PRKD1: variants seen among roughly 807,000 people sequenced by gnomAD.
PRKD1 encodes protein kinase D1.
In PRKD1, 63 loss-of-function variants were observed where a neutral mutation model predicts 95.9. The ratio of observed to expected loss-of-function variants is 0.66; its 90% CI spans 0.54 to 0.81. The LOEUF (loss-of-function observed/expected upper bound fraction) is 0.81. PRKD1 is among the 30% of genes least tolerant of loss of function. The pLI, the probability that PRKD1 is intolerant of heterozygous loss-of-function variation, is 0.00. For synonymous variants in PRKD1, 425 were observed against 423.1 expected (o/e 1.00, Z -0.05); for missense variants, 1,048 against 1,165.3 (o/e 0.90, Z 1.47).
chr14:29,841,141 A>G (rs1323156767), intron 1 of PRKD1, among the ~76,000 whole-genome samples: 1 of 152,218 alleles, frequency 6.6e-6, no homozygotes, highest in African/African-American at 2.4e-5. Context: ...CCCACATTGT[A>G]TCAACGAAGT....
chr14:29,799,412 A>T (rs894494071), intron 1 of PRKD1, among the ~76,000 whole-genome samples: 2 of 152,224 alleles, frequency 1.3e-5, no homozygotes, highest in African/African-American at 2.4e-5. Flanking sequence ...CCAGTGGTTC[A>T]AAACAGACAC....
rs183915208 is a variant in PRKD1, at chr14:29,778,367, C to A, written c.265-52693G>T. ...CCAGGAGCTGGTTTTTTGAAAAGAT[C>A]AAAAAAAATTGATAGACCACTAGCA... On this transcript the variant is annotated intron_variant, in intron 1 of 17. Transcript: ENST00000331968. Among the ~76,000 whole-genome samples the A allele has an allele frequency of 3.5e-3, 526 of 151,024 alleles. 4 individuals are homozygous for A. Among genetic ancestry groups the A allele is most frequent in the African/African-American group, 0.011 (472 of 41,226 alleles).
intron 1 of PRKD1, among the ~76,000 whole-genome samples, chr14:29,873,049 G>C (rs1162591932): frequency 6.6e-6 from 1 of 152,058 alleles, no homozygotes; most frequent in Non-Finnish European, 1.5e-5. Context: ...TGCTTTACAA[G>C]TAATTTTGAT....
At chr14:29,908,715 T>C (rs918664714) in intron 1 of PRKD1, among the ~76,000 whole-genome samples, 2 of 152,248 alleles carry the variant, frequency 1.3e-5, no homozygotes, top group African/African-American at 4.8e-5. Flanking sequence ...TAAATCTATA[T>C]ACCAATTCTA....
intron 2 of PRKD1, 43 bp downstream of exon 2, chr14:29,725,493 A>G (rs1294278901): frequency 1.3e-6 from 2 of 1,582,692 alleles, no homozygotes; most frequent in African/African-American, 2.7e-5. Flanking sequence ...TTCAAATACA[A>G]CTTCTAATCT....
chr14:29,655,054 C>T (rs1014719362), intron 4 of PRKD1, among the ~76,000 whole-genome samples: 1 of 152,234 alleles, frequency 6.6e-6, no homozygotes, highest in Non-Finnish European at 1.5e-5. Context: ...GACTACTCTT[C>T]AGTCCTCCTT....
At chr14:29,799,908 C>A (rs1194336300) in intron 1 of PRKD1, among the ~76,000 whole-genome samples, 1 of 152,082 alleles carries the variant, frequency 6.6e-6, no homozygotes, top group Non-Finnish European at 1.5e-5. Context: ...CTATTTAATG[C>A]CACATTTTTT....
chr14:29,905,663 C>T (rs1894470770), intron 1 of PRKD1, among the ~76,000 whole-genome samples: 1 of 152,126 alleles, frequency 6.6e-6, no homozygotes, highest in Non-Finnish European at 1.5e-5. Flanking sequence ...ACTACTGTTC[C>T]ACCTCCCATG....
At chr14:29,883,299 TG>T (rs1338759292) in intron 1 of PRKD1, among the ~76,000 whole-genome samples, 1 of 152,174 alleles carries the variant, frequency 6.6e-6, no homozygotes, top group Non-Finnish European at 1.5e-5. Flanking sequence ...AAGGTTTGGG[TG>T]GGGACAAATA....
chr14:29,749,656 A>G (rs1444462993), intron 1 of PRKD1, among the ~76,000 whole-genome samples: 1 of 152,188 alleles, frequency 6.6e-6, no homozygotes, highest in Non-Finnish European at 1.5e-5. Flanking sequence ...AATCACATAA[A>G]GTTGTGGGTA....
At chr14:29,609,093 T>C (rs539045046) in intron 13 of PRKD1, among the ~76,000 whole-genome samples, 8 of 152,310 alleles carry the variant, frequency 5.3e-5, no homozygotes, top group African/African-American at 1.9e-4. Flanking sequence ...CTCACTGGAC[T>C]CCGAGGATTC....
At chr14:29,761,789 T>TC (rs1306712935) in intron 1 of PRKD1, among the ~76,000 whole-genome samples, 1 of 150,878 alleles carries the variant, frequency 6.6e-6, no homozygotes, top group Non-Finnish European at 1.5e-5. Context: ...TCTTTTTTTT[T>TC]TTTTTTTTTG....
chr14:29,846,162 G>A (rs1442324448), intron 1 of PRKD1, among the ~76,000 whole-genome samples: 1 of 151,994 alleles, frequency 6.6e-6, no homozygotes, highest in Non-Finnish European at 1.5e-5. Flanking sequence ...CTGATGTTAG[G>A]CATTCTTCTA....
chr14:29,839,725 C>T (rs1281891684), intron 1 of PRKD1, among the ~76,000 whole-genome samples: 1 of 152,010 alleles, frequency 6.6e-6, no homozygotes, highest in Non-Finnish European at 1.5e-5. Flanking sequence ...CAAACCTCTG[C>T]CTAGACTTCT....
intron 16 of PRKD1, among the ~76,000 whole-genome samples, chr14:29,586,932 C>G (rs1018850068): frequency 6.6e-6 from 1 of 152,114 alleles, no homozygotes; most frequent in Non-Finnish European, 1.5e-5. Context: ...GCCCACTTTA[C>G]TCTTAATTAG....
At chr14:29,727,104 A>C (rs77694006) in intron 1 of PRKD1, among the ~76,000 whole-genome samples, 4 of 151,644 alleles carry the variant, frequency 2.6e-5, no homozygotes, top group African/African-American at 9.7e-5. Context: ...ACTGGTGTGT[A>C]ATGATATCTC....
At chr14:29,675,558 G>A (rs1214941046) in intron 2 of PRKD1, among the ~76,000 whole-genome samples, 1 of 152,120 alleles carries the variant, frequency 6.6e-6, no homozygotes, top group African/African-American at 2.4e-5. Flanking sequence ...AACCATTGTG[G>A]AAGACAGTGT....
At position 29,830,231 on chromosome 14, in the gene PRKD1, T is replaced by G. The variant is rs181435146; in HGVS notation, c.264+97018A>C. Among the ~76,000 whole-genome samples, 23 of 152,292 alleles carry G rather than the reference T, an allele frequency of 1.5e-4. 1 individual carries two copies. Among genetic ancestry groups the G allele is most frequent in the African/African-American group, 5.1e-4 (21 of 41,564 alleles). ...TAGACAATAAGGGTAATCTGAAATT[T>G]GTTTAAAATCAGTAGCCATAAAGTA... On this transcript the variant is annotated intron_variant, in intron 1 of 17. Transcript: ENST00000331968.
chr14:29,810,690 GGC>G (rs1325442772), intron 1 of PRKD1, among the ~76,000 whole-genome samples: 1 of 152,198 alleles, frequency 6.6e-6, no homozygotes, highest in Non-Finnish European at 1.5e-5. Flanking sequence ...ACATTAGCTT[GGC>G]ACTTAAGAAA....
Sources: gnomAD v4.1 joint callset for allele counts (sites outside exome capture counted in the v4.1 genomes callset) on GRCh38, gnomAD v4.1.1 for gene constraint, MANE v1.5 for transcripts, NCBI Gene and HGNC (gene_info 2026-07-23, HGNC 2026-07-21) for gene names.